Variants in RHOBTB1 observed in about 807,000 individuals in gnomAD.
The protein encoded by RHOBTB1 is Rho related BTB domain containing 1, also known as rho-related BTB domain-containing protein 1.
In RHOBTB1, 40 loss-of-function variants were observed where a neutral mutation model predicts 71.6. The observed-to-expected ratio is 0.56, with a 90% CI of 0.43 to 0.73. RHOBTB1 has a LOEUF of 0.73. RHOBTB1 is among the 30% of genes least tolerant of loss of function. The pLI is 0.00. For missense variants in RHOBTB1, 797 were observed against 894.0 expected (o/e 0.89, Z 1.38); for synonymous variants, 319 against 334.9 (o/e 0.95, Z 0.52).
chr10:60,875,036 T>A lies in RHOBTB1; in HGVS notation c.1733A>T (p.His578Leu). ...LPHLVALAEQ[H>L]AVQELTKAAT... is the part of the protein sequence containing the mutation. Reference sequence around the variant, plus strand: ...GGCTTTGGTCAACTCCTGAACGGCATGCTGTTCTGGGGAAGAGAGAGGGGG... The same window carrying A: ...GGCTTTGGTCAACTCCTGAACGGCAAGCTGTTCTGGGGAAGAGAGAGGGGG... Residue 578 changes from histidine (H) to leucine (L), a missense_variant, in exon 9 of 11, where the codon CAT (histidine) becomes CTT (leucine). By Grantham distance (99) the His-to-Leu change is moderately conservative (BLOSUM62 -3). Around this residue, in one of 2 missense-constraint regions of RHOBTB1, gnomAD observed 658 missense variants for 681.5 expected, o/e 0.97. Coordinates refer to ENST00000337910, the MANE Select transcript of RHOBTB1 (RefSeq NM_014836.5). 1 of 1,613,932 alleles carries A rather than the reference T, an allele frequency of 6.2e-7. No individual in the cohort carries two copies. The highest frequency in any genetic ancestry group is 1.1e-5 in the South Asian group (1 of 91,078).
intron 10 of RHOBTB1, 91 bp downstream of exon 10, chr10:60,872,094 C>T (rs1473498973): frequency 5.3e-6 from 5 of 948,092 alleles, no homozygotes; most frequent in Admixed American, 1.7e-5. Flanking sequence ...GAGCTGCCTG[C>T]TGACCATGTT....
At chr10:60,893,394 G>A (rs1053235868) in intron 4 of RHOBTB1, among the ~76,000 whole-genome samples, 1 of 152,178 alleles carries the variant, frequency 6.6e-6, no homozygotes, top group Admixed American at 6.5e-5. Context: ...AAACATAAAG[G>A]TGATGATGAC....
chr10:60,881,161 GC>G (rs1444057383), intron 7 of RHOBTB1, among the ~76,000 whole-genome samples: 1 of 152,096 alleles, frequency 6.6e-6, no homozygotes, highest in Admixed American at 6.6e-5. Context: ...TCTCTTGCCT[GC>G]TGCCATGTAA....
At chr10:60,908,692 C>A (rs142064660) in intron 4 of RHOBTB1, among the ~76,000 whole-genome samples, 1 of 152,130 alleles carries the variant, frequency 6.6e-6, no homozygotes, top group South Asian at 2.1e-4. Flanking sequence ...TTTGGCATTA[C>A]GTCAATGTGA....
chr10:60,880,052 G>T (rs972488330), intron 7 of RHOBTB1, among the ~76,000 whole-genome samples: 1 of 152,124 alleles, frequency 6.6e-6, no homozygotes, highest in Non-Finnish European at 1.5e-5. Context: ...GTATACAGGA[G>T]GATGTGCACA....
intron 1 of RHOBTB1, among the ~76,000 whole-genome samples, chr10:60,990,022 G>A (rs913938851): frequency 8.1e-4 from 107 of 131,384 alleles, no homozygotes; most frequent in Non-Finnish European, 1.3e-3. Context: ...TCGTTCTGTC[G>A]CCTAGGCTGG....
chr10:60,885,979 A>T, intron 7 of RHOBTB1, 133 bp downstream of exon 7: 2 of 710,918 alleles, frequency 2.8e-6, no homozygotes, highest in South Asian at 3.4e-5. Flanking sequence ...TATGATTATG[A>T]CTAACAGTAT....
At chr10:60,987,905 T>A (rs2086719743) in intron 1 of RHOBTB1, among the ~76,000 whole-genome samples, 1 of 147,886 alleles carries the variant, frequency 6.8e-6, no homozygotes, top group African/African-American at 2.5e-5. Flanking sequence ...CTGTCTGCTG[T>A]CTGAAATACT....
chr10:60,872,581 C>A (rs1490248710), intron 9 of RHOBTB1, among the ~76,000 whole-genome samples: 1 of 151,658 alleles, frequency 6.6e-6, no homozygotes, highest in African/African-American at 2.4e-5. Flanking sequence ...GCCACCTGGC[C>A]CTCTAGTGCT....
intron 2 of RHOBTB1, among the ~76,000 whole-genome samples, chr10:60,936,898 C>T (rs1004281956): frequency 2.0e-5 from 3 of 152,152 alleles, no homozygotes; most frequent in African/African-American, 7.2e-5. Context: ...GCACCTAGCC[C>T]CAGTTCAGCC....
At chr10:60,943,534 C>T (rs2085036621) in intron 1 of RHOBTB1, among the ~76,000 whole-genome samples, 1 of 152,154 alleles carries the variant, frequency 6.6e-6, no homozygotes, top group Non-Finnish European at 1.5e-5. Context: ...CCAGTCAACT[C>T]TCAAGAGGGT....
At chr10:60,940,336 TTACTC>T (rs1457801058) in intron 2 of RHOBTB1, among the ~76,000 whole-genome samples, 1 of 152,026 alleles carries the variant, frequency 6.6e-6, no homozygotes, top group African/African-American at 2.4e-5. Flanking sequence ...CTGTTACAAA[TTACTC>T]TACGAAAAGA....
rs1457115480 is a variant in RHOBTB1 at position 60,899,279 on chromosome 10, A to C, written c.297-6284T>G. Among the ~76,000 whole-genome samples, 4 of 152,228 alleles carry C rather than the reference A, an allele frequency of 2.6e-5. No homozygotes were observed. The East Asian group carries it at 7.7e-4, about 29-fold the overall frequency. Reference sequence around the variant, plus strand: ...GAATGCAGGAGGCACTGAAGTAAAGAAGGCTTGCTAAACAGACGAAGGTGA... The same window carrying C: ...GAATGCAGGAGGCACTGAAGTAAAGCAGGCTTGCTAAACAGACGAAGGTGA... On this transcript the variant is annotated intron_variant, in intron 4 of 10. Coordinates refer to ENST00000337910, the MANE Select transcript of RHOBTB1 (RefSeq NM_014836.5).
intron 2 of RHOBTB1, among the ~76,000 whole-genome samples, chr10:60,929,252 CA>C (rs1168436266): frequency 6.6e-6 from 1 of 151,928 alleles, no homozygotes; most frequent in African/African-American, 2.4e-5. Flanking sequence ...ATGTTTGTAG[CA>C]AAATATCACA....
chr10:60,878,411 GA>G, intron 7 of RHOBTB1, among the ~76,000 whole-genome samples: 1 of 152,166 alleles, frequency 6.6e-6, no homozygotes, highest in Non-Finnish European at 1.5e-5. Context: ...CTAGCAACAT[GA>G]CAGGTGTTGG....
At chr10:60,914,242 G>A (rs1352148762) in intron 2 of RHOBTB1, among the ~76,000 whole-genome samples, 2 of 152,114 alleles carry the variant, frequency 1.3e-5, no homozygotes, top group Non-Finnish European at 2.9e-5. Flanking sequence ...AGATAATAGA[G>A]TTGGAAAGAT....
intron 2 of RHOBTB1, among the ~76,000 whole-genome samples, chr10:60,920,944 G>GT (rs1464738682): frequency 4.5e-4 from 55 of 122,090 alleles, no homozygotes; most frequent in African/African-American, 6.0e-4. Flanking sequence ...GGACTGATTT[G>GT]TTTTTTTTTT....
intron 2 of RHOBTB1, among the ~76,000 whole-genome samples, chr10:60,981,433 G>A (rs1158344470): frequency 6.6e-6 from 1 of 152,126 alleles, no homozygotes; most frequent in African/African-American, 2.4e-5. Context: ...AGAGAAATTA[G>A]GTAAATTATC....
chr10:60,880,072 A>G (rs1201456526), intron 7 of RHOBTB1, among the ~76,000 whole-genome samples: 1 of 152,102 alleles, frequency 6.6e-6, no homozygotes, highest in Non-Finnish European at 1.5e-5. Context: ...AGATCTATGC[A>G]AATACGATGC....
Sources: gnomAD v4.1 joint callset for allele counts (sites outside exome capture counted in the v4.1 genomes callset) on GRCh38, gnomAD v4.1.1 for gene constraint, gnomAD v4.1.1 regional missense constraint, MANE v1.5 for transcripts, NCBI Gene and HGNC (gene_info 2026-07-23, HGNC 2026-07-21) for gene names.